Variants in DDX60L observed in about 807,000 individuals in gnomAD.
DDX60L encodes DExD/H-box 60 like, also known as probable ATP-dependent RNA helicase DDX60-like.
A neutral mutation model predicts 211.6 loss-of-function variants in DDX60L; 191 were observed. The ratio of observed to expected loss-of-function variants is 0.90; its 90% CI spans 0.80 to 1.02. DDX60L has a LOEUF of 1.02. DDX60L is among the 50% of genes least tolerant of loss of function. The pLI is 0.00. For missense variants in DDX60L, 2,007 were observed against 1,984.1 expected (o/e 1.01, Z -0.22); for synonymous variants, 706 against 694.1 (o/e 1.02, Z -0.27).
chr4:168,377,646 A>T (rs989350050), intron 33 of DDX60L: 3 of 152,200 alleles, frequency 2.0e-5, no homozygotes, highest in Non-Finnish European at 4.4e-5. Flanking sequence ...GATATATGTC[A>T]GTAACTAAAA....
At chr4:168,419,484 G>T (rs1230944841) in intron 18 of DDX60L, 87 bp from the exon 19 acceptor site, 3 of 843,330 alleles carry the variant, frequency 3.6e-6, no homozygotes, top group Non-Finnish European at 1.8e-6. Context: ...AAAATATGCT[G>T]CTGCTGATAG....
intron 24 of DDX60L, among the ~76,000 whole-genome samples, chr4:168,405,306 C>A (rs1747552299): frequency 6.6e-6 from 1 of 152,136 alleles, no homozygotes. Context: ...CCACTCCCGG[C>A]CAACCCATAC....
At chr4:168,376,446 C>A (rs1312255990) in intron 33 of DDX60L, among the ~76,000 whole-genome samples, 4 of 152,148 alleles carry the variant, frequency 2.6e-5, no homozygotes, top group African/African-American at 9.7e-5. Context: ...TATTTATTCT[C>A]AGCACTAATA....
At chr4:168,359,621 T>C (rs1318804699) in intron 37 of DDX60L, among the ~76,000 whole-genome samples, 1 of 152,222 alleles carries the variant, frequency 6.6e-6, no homozygotes, top group Non-Finnish European at 1.5e-5. Flanking sequence ...AGTTAATCTA[T>C]ATACCCTGCC....
chr4:168,440,705 T>G (rs1424973336), intron 10 of DDX60L, among the ~76,000 whole-genome samples: 1 of 152,222 alleles, frequency 6.6e-6, no homozygotes, highest in Non-Finnish European at 1.5e-5. Context: ...TGGGTTGGTC[T>G]GTTAATCATT....
Position 168,476,581 on chromosome 4 carries a change from T to C in DDX60L, c.-110-3772A>G, listed in dbSNP as rs536387900. ...AGAGAGAGAGAAAGAGGGAATCCTATAGATTAAAAAGCAAGACATTTATAC... is the reference window on the plus strand; with the variant it reads ...AGAGAGAGAGAAAGAGGGAATCCTACAGATTAAAAAGCAAGACATTTATAC... On this transcript the variant is annotated intron_variant, in intron 1 of 37. Coordinates refer to ENST00000682922, the MANE Select transcript of DDX60L (RefSeq NM_001012967.3). 6.6e-5 allele frequency among the ~76,000 whole-genome samples: 10 copies of C among 152,262 alleles called. No individual in the cohort carries two copies. In the South Asian group the frequency reaches 1.7e-3, roughly 25 times the overall value.
At chr4:168,459,835 A>AGGAG (rs1212224673) in intron 5 of DDX60L, among the ~76,000 whole-genome samples, 1 of 112,266 alleles carries the variant, frequency 8.9e-6, no homozygotes, top group African/African-American at 3.1e-5. Context: ...GAGGGAGGGA[A>AGGAG]GGAGGGAAGG....
At chr4:168,456,445 A>C (rs1756581464) in intron 6 of DDX60L, among the ~76,000 whole-genome samples, 2 of 152,178 alleles carry the variant, frequency 1.3e-5, no homozygotes, top group South Asian at 4.1e-4. Flanking sequence ...ATAGATTATT[A>C]ATAAAAATAA....
intron 12 of DDX60L, among the ~76,000 whole-genome samples, chr4:168,430,915 C>G (rs1014388825): frequency 6.6e-6 from 1 of 152,182 alleles, no homozygotes; most frequent in Non-Finnish European, 1.5e-5. Context: ...ATAGCACATT[C>G]ACCTGCAACA....
rs537824126 is a variant in DDX60L at position 168,365,198 on chromosome 4, T to C, written c.4929-3987A>G. 3.3e-5 allele frequency among the ~76,000 whole-genome samples: 5 copies of C among 151,862 alleles called. No homozygotes were observed. In the South Asian group the frequency reaches 8.3e-4, roughly 25 times the overall value. The stretch of plus-strand genomic sequence containing the variant: ...CTTAAAGAAGCAGACGTAAACAAAA[T>C]AGAGGCAAAAAATGCAATTTGAAAG... On this transcript the variant is annotated intron_variant, in intron 36 of 37. Transcript: ENST00000682922.
In DDX60L at chr4:168,404,081, C is replaced by A; in HGVS notation, c.3239G>T (p.Ser1080Ile). ...TTTTGAACTAGACAATGAATCCGGA[C>A]TAAGGTTCTTCAGTACTCTTTTGAC... ...KKVKRVLKNL[S>I]PDSLSSSKDM... The change falls in exon 25 of 38, where the codon AGT becomes ATT. Residue 1080 changes from serine (S) to isoleucine (I), a missense_variant. Physicochemically the swap from Ser to Ile is moderately radical, Grantham distance 142. Coordinates refer to ENST00000682922, the MANE Select transcript of DDX60L (RefSeq NM_001012967.3). 7.1e-7 allele frequency: 1 copy of A among 1,418,406 alleles called. No individual in the cohort carries two copies. Among genetic ancestry groups the A allele is most frequent in the Non-Finnish European group, 9.3e-7 (1 of 1,074,188 alleles). The allele number at this position is 1,418,406 out of a possible 1,614,324, so 87.9% of individuals were successfully genotyped here.
rs1364832869 is a variant in DDX60L, at chr4:168,364,556, C to CT, written c.4929-3346dup. Among the ~76,000 whole-genome samples the CT allele has an allele frequency of 3.3e-5, 5 of 152,158 alleles. No individual in the cohort carries two copies. The East Asian group carries it at 9.7e-4, about 29-fold the overall frequency. ...CCATAGACCAAATTGACCTAACAGC[C>CT]TTTTTTTAGAGACAGGGTCTTGCTG... On this transcript the variant is annotated intron_variant, in intron 36 of 37. Transcript: ENST00000682922.
Position 168,432,421 on chromosome 4 carries a change from A to G in DDX60L, c.1516+34T>C, listed in dbSNP as rs778567076. On this transcript the variant is annotated intron_variant, in intron 12 of 37. Transcript: ENST00000682922. ...AAAAAGAGCAGCAAAGGCAATTCAT[A>G]TAAGCTCTATTTTATCGTGGTTACA... 27 of 1,264,254 alleles carry G rather than the reference A, an allele frequency of 2.1e-5. No individual in the cohort carries two copies. The East Asian group carries it at 3.9e-4, about 18-fold the overall frequency. 78.3% of individuals were successfully genotyped at this position (1,264,254 alleles called of 1,614,324 possible).
rs768358189 is a variant in DDX60L, at chr4:168,427,270, T to C, written c.1730A>G (p.Lys577Arg). The C allele has an allele frequency of 1.9e-6, 3 of 1,613,812 alleles. 1 individual carries two copies. The highest frequency in any genetic ancestry group is 2.5e-6 in the Non-Finnish European group (3 of 1,179,828). The change falls in exon 14 of 38, where the codon AAA becomes AGA. Residue 577 changes from lysine to arginine, a missense_variant. Transcript: ENST00000682922. ...TTGCTGAGCTTTGTTCTGATCTTCT[T>C]TGAGAAATGACTTTTTCTTACTCTT... ...TKKSKKKSFL[K>R]EDQNKAQQND...
chr4:168,472,237 A>G (rs1298227301), intron 3 of DDX60L, among the ~76,000 whole-genome samples: 1 of 152,226 alleles, frequency 6.6e-6, no homozygotes, highest in East Asian at 1.9e-4. Flanking sequence ...ATAAGGACAT[A>G]TATAACTCCC....
intron 4 of DDX60L, among the ~76,000 whole-genome samples, chr4:168,464,978 T>C (rs1237976694): frequency 6.6e-6 from 1 of 152,144 alleles, no homozygotes; most frequent in Admixed American, 6.5e-5. Context: ...GATATCTCTT[T>C]AACATACTGA....
intron 35 of DDX60L, 60 bp downstream of exon 35, chr4:168,373,606 A>C (rs182770399): frequency 6.5e-7 from 1 of 1,538,260 alleles, no homozygotes; most frequent in African/African-American, 1.4e-5. Context: ...GCTTCACAGC[A>C]ATGTAACCCC....
intron 33 of DDX60L, among the ~76,000 whole-genome samples, chr4:168,375,805 T>C (rs1043167694): frequency 3.3e-5 from 5 of 152,240 alleles, no homozygotes; most frequent in Non-Finnish European, 7.3e-5. Flanking sequence ...CTTAGGTATA[T>C]TTCAGAGACT....
chr4:168,473,722 A>G (rs1759105756), intron 1 of DDX60L, among the ~76,000 whole-genome samples: 1 of 152,220 alleles, frequency 6.6e-6, no homozygotes, highest in African/African-American at 2.4e-5. Context: ...AATGCTGCTT[A>G]TTAGTGACTC....
Sources: allele counts gnomAD v4.1 joint callset (sites outside exome capture counted in the v4.1 genomes callset), GRCh38; gene constraint gnomAD v4.1.1; transcripts MANE v1.5; gene names NCBI Gene and HGNC (gene_info 2026-07-23, HGNC 2026-07-21).